Variants in SOX13 observed in about 807,000 individuals in gnomAD.
SOX13 encodes transcription factor SOX-13.
SOX13 carries 28 observed loss-of-function variants against 71.8 expected under a neutral mutation model. That is an observed-to-expected ratio of 0.39 (90% confidence interval 0.29 to 0.53). The LOEUF (loss-of-function observed/expected upper bound fraction) is 0.53, where lower values mean the gene tolerates loss of function less well. SOX13 is among the 20% of genes least tolerant of loss of function. The probability of loss-of-function intolerance (pLI) is 0.70; values close to 1 mark genes in which losing one functional copy is unlikely to be tolerated. For missense variants in SOX13, 627 were observed against 810.3 expected, an observed-to-expected ratio of 0.77 and a Z score of 2.75; for synonymous variants, 309 against 317.8, an observed-to-expected ratio of 0.97 and a Z score of 0.29.
Position 204,126,197 on chromosome 1 carries a change from A to G in SOX13, c.*63A>G. 6.5e-7 allele frequency: 1 copy of G among 1,541,052 alleles called. No individual in the cohort carries two copies. Among genetic ancestry groups the G allele is most frequent in the Non-Finnish European group, 8.9e-7 (1 of 1,129,122 alleles). On this transcript the variant is annotated 3_prime_UTR_variant, in exon 14 of 14. Transcript: ENST00000367204. The stretch of plus-strand genomic sequence containing the variant: ...AAGACCTTGTCCCAACTCGATGGGC[A>G]CAGCCAGCCAACCTAAGACTATGTT...
chr1:204,112,126 G>A (rs1656590228), intron 1 of SOX13, among the ~76,000 whole-genome samples: 1 of 152,168 alleles, frequency 6.6e-6, no homozygotes, highest in African/African-American at 2.4e-5. Flanking sequence ...TGATTTTTAA[G>A]TATTGGTAAC....
At position 204,113,116 on chromosome 1, in the gene SOX13, G is replaced by C; in HGVS notation, c.201G>C (p.Gly67=). ...CTGACCCCCAAGCTCCAGCCCAGGG[G>C]AATTTCAGGGGCTCCTGGGTCAGTG... ...DSADPQAPAQ[G]NFRGSWDCSS... Residue 67 remains glycine (G), a synonymous_variant, in exon 2 of 14, where the codon GGG becomes GGC. Coordinates refer to ENST00000367204, the MANE Select transcript of SOX13 (RefSeq NM_005686.3). The C allele has an allele frequency of 6.4e-7, 1 of 1,561,738 alleles. No homozygotes were observed. The highest frequency in any genetic ancestry group is 8.7e-7 in the Non-Finnish European group (1 of 1,153,764).
chr1:204,087,477 A>G (rs935069963), intron 1 of SOX13, among the ~76,000 whole-genome samples: 1 of 151,996 alleles, frequency 6.6e-6, no homozygotes, highest in African/African-American at 2.4e-5. Flanking sequence ...ACCTTTTCTT[A>G]TGGGAGCACC....
intron 4 of SOX13, 64 bp downstream of exon 4, chr1:204,114,669 C>CA: frequency 7.9e-7 from 1 of 1,267,924 alleles, no homozygotes; most frequent in Non-Finnish European, 1.2e-6. Context: ...GGTCTGGCCA[C>CA]GCAGCCTGGC....
At chr1:204,080,446 G>A (rs1043803433) in intron 1 of SOX13, among the ~76,000 whole-genome samples, 1 of 152,144 alleles carries the variant, frequency 6.6e-6, no homozygotes, top group Admixed American at 6.5e-5. Context: ...CTCCCGCTCT[G>A]GTGGTTTTGA....
intron 13 of SOX13, 145 bp from the exon 14 acceptor site, chr1:204,125,713 G>C (rs1433459378): frequency 1.1e-6 from 1 of 904,330 alleles, no homozygotes; most frequent in Non-Finnish European, 1.6e-6. Context: ...TTGGCCATCA[G>C]AAAGCAGGCT....
intron 1 of SOX13, chr1:204,074,481 T>G (rs1326757979): frequency 6.6e-6 from 1 of 152,104 alleles, no homozygotes; most frequent in Non-Finnish European, 1.5e-5. Flanking sequence ...TCCCAGCGGC[T>G]CGCCATTGTT....
At chr1:204,089,708 G>A (rs983343757) in intron 1 of SOX13, among the ~76,000 whole-genome samples, 1 of 152,232 alleles carries the variant, frequency 6.6e-6, no homozygotes, top group Non-Finnish European at 1.5e-5. Context: ...TGTGGGTGCA[G>A]GGGGTCCCGG....
At chr1:204,095,681 A>C (rs771978667) in intron 1 of SOX13, among the ~76,000 whole-genome samples, 5 of 152,218 alleles carry the variant, frequency 3.3e-5, no homozygotes, top group Non-Finnish European at 5.9e-5. Context: ...TAAAGTAGAC[A>C]TAATGTAAAA....
chr1:204,122,516 G>T, intron 9 of SOX13, 117 bp downstream of exon 9: 1 of 791,330 alleles, frequency 1.3e-6, no homozygotes, highest in African/African-American at 1.8e-5. Context: ...ATCAAATGAG[G>T]GGTTAGACTT....
chr1:204,104,242 G>A (rs896199487), intron 1 of SOX13, among the ~76,000 whole-genome samples: 1 of 152,174 alleles, frequency 6.6e-6, no homozygotes, highest in Non-Finnish European at 1.5e-5. Context: ...GGAAACAGCC[G>A]AGGGAGTGTT....
At chr1:204,090,943 C>T (rs187193178) in intron 1 of SOX13, among the ~76,000 whole-genome samples, 58 of 152,152 alleles carry the variant, frequency 3.8e-4, no homozygotes, top group Non-Finnish European at 7.1e-4. Context: ...TGCAGTTAGG[C>T]GGAGACCATC....
chr1:204,074,127 C>T (rs1031503663), intron 1 of SOX13: 2 of 152,200 alleles, frequency 1.3e-5, no homozygotes, highest in African/African-American at 4.8e-5. Context: ...TTAAGGATTT[C>T]TCAGCGGGAA....
intron 4 of SOX13, among the ~76,000 whole-genome samples, chr1:204,115,469 G>T: frequency 9.1e-6 from 1 of 109,992 alleles, no homozygotes; most frequent in African/African-American, 3.5e-5. Flanking sequence ...GAGTGATTCC[G>T]ATGTTGTTTT....
Position 204,114,432 on chromosome 1 carries a change from G to A in SOX13, c.331G>A (p.Val111Met), listed in dbSNP as rs1035439269. 1 of 1,612,092 alleles carries A rather than the reference G, an allele frequency of 6.2e-7. No homozygotes were observed. The highest frequency in any genetic ancestry group is 1.3e-5 in the African/African-American group (1 of 75,020). The change falls in exon 3 of 14, where the codon GTG (valine) becomes ATG (methionine). Residue 111 changes from valine (V) to methionine (M), a missense_variant and splice_region_variant. Val to Met is a conservative substitution (Grantham distance 21). Around this residue, in one of 3 missense-constraint regions of SOX13, gnomAD observed 447 missense variants for 532.2 expected, o/e 0.84. Transcript: ENST00000367204. ...KLDFNRNLKEVVPAIEKLLSS... is the reference protein window; with the variant it reads ...KLDFNRNLKEMVPAIEKLLSS... ...GGACTTCAACCGAAATTTGAAAGAAGGTAGGATGTCTGCCCTAGTTAGAAG... is the reference window on the plus strand; with the variant it reads ...GGACTTCAACCGAAATTTGAAAGAAAGTAGGATGTCTGCCCTAGTTAGAAG...
At chr1:204,110,276 TG>T (rs1336682508) in intron 1 of SOX13, among the ~76,000 whole-genome samples, 1 of 149,498 alleles carries the variant, frequency 6.7e-6, no homozygotes, top group African/African-American at 2.4e-5. Context: ...TATAGGCGCA[TG>T]CCACCATGCC....
intron 7 of SOX13, among the ~76,000 whole-genome samples, chr1:204,120,545 C>T (rs999324200): frequency 3.3e-5 from 5 of 152,244 alleles, no homozygotes; most frequent in African/African-American, 9.6e-5. Flanking sequence ...CTCCTGACCT[C>T]GGCCTTCATG....
chr1:204,077,694 TAC>T (rs988959848), intron 1 of SOX13, among the ~76,000 whole-genome samples: 6 of 152,226 alleles, frequency 3.9e-5, no homozygotes, highest in Non-Finnish European at 7.3e-5. Flanking sequence ...TCAGAATATT[TAC>T]AGAGGTTAGC....
intron 1 of SOX13, among the ~76,000 whole-genome samples, chr1:204,100,213 G>A (rs1045644364): frequency 1.3e-5 from 2 of 152,228 alleles, no homozygotes; most frequent in Admixed American, 1.3e-4. Context: ...TTTGTGGCTG[G>A]CAACTGCCAA....
Sources: allele counts gnomAD v4.1 joint callset (sites outside exome capture counted in the v4.1 genomes callset), GRCh38; gene constraint gnomAD v4.1.1; regional missense constraint gnomAD v4.1.1; transcripts MANE v1.5; gene names NCBI Gene and HGNC (gene_info 2026-07-23, HGNC 2026-07-21).